MTMR7: variants seen among roughly 807,000 people sequenced by gnomAD.
MTMR7 encodes myotubularin related protein 7, also known as phosphatidylinositol-3-phosphate phosphatase MTMR7.
A neutral mutation model predicts 81.2 loss-of-function variants in MTMR7; 76 were observed. The observed-to-expected ratio is 0.94, with a 90% confidence interval of 0.78 to 1.13. The LOEUF (loss-of-function observed/expected upper bound fraction) is 1.13, where lower values mean the gene tolerates loss of function less well. MTMR7 is among the 50% of genes most tolerant of loss of function. The probability of loss-of-function intolerance (pLI) is 0.00; values close to 1 mark genes in which losing one functional copy is unlikely to be tolerated. For missense variants in MTMR7, 1,044 were observed against 820.0 expected, an observed-to-expected ratio of 1.27 and a Z score of -3.34; for synonymous variants, 372 against 289.8, an observed-to-expected ratio of 1.28 and a Z score of -2.88.
At chr8:17,317,542 G>A (rs966256606) in intron 7 of MTMR7, among the ~76,000 whole-genome samples, 1 of 152,144 alleles carries the variant, frequency 6.6e-6, no homozygotes, top group African/African-American at 2.4e-5. Flanking sequence ...CAGAGTCCCT[G>A]CGGTCAACGT....
chr8:17,398,400 T>C (rs995246959), intron 1 of MTMR7, among the ~76,000 whole-genome samples: 1 of 152,142 alleles, frequency 6.6e-6, no homozygotes, highest in Admixed American at 6.6e-5. Context: ...AAAAATGCAA[T>C]TGCTATATTG....
chr8:17,386,354 G>A (rs1820942791), intron 1 of MTMR7, among the ~76,000 whole-genome samples: 2 of 152,200 alleles, frequency 1.3e-5, no homozygotes. Flanking sequence ...TTGCAGGCTG[G>A]GCAGCAGAGT....
chr8:17,369,395 A>T (rs114833105), intron 3 of MTMR7, among the ~76,000 whole-genome samples: 2,186 of 152,318 alleles, frequency 0.014, 55 homozygotes, highest in East Asian at 0.075. Context: ...TAGTAACTTT[A>T]GCTCTTAGCT....
At chr8:17,388,053 C>G (rs1012340139) in intron 1 of MTMR7, among the ~76,000 whole-genome samples, 1 of 152,126 alleles carries the variant, frequency 6.6e-6, no homozygotes, top group African/African-American at 2.4e-5. Flanking sequence ...TTAGAAAAGG[C>G]AGAACAAGAA....
intron 1 of MTMR7, among the ~76,000 whole-genome samples, chr8:17,412,990 A>G (rs963157507): frequency 1.3e-5 from 2 of 152,222 alleles, no homozygotes; most frequent in African/African-American, 4.8e-5. Flanking sequence ...ACTAGCAGAC[A>G]ACTGAGGTTC....
Position 17,297,714 on chromosome 8 carries a change from A to AGATATTTTAGTCTTGTTGGG in MTMR7, c.*2128_*2147dup, listed in dbSNP as rs3216866. ...ACTTCCTGATTAATGTTTGATTATT[A>AGATATTTTAGTCTTGTTGGG]GATATTTTAGTCTTGTTGGGGATAT... On this transcript the variant is annotated 3_prime_UTR_variant, in exon 14 of 14. Coordinates refer to ENST00000180173, the MANE Select transcript of MTMR7 (RefSeq NM_004686.5). 6 of 152,016 alleles carry AGATATTTTAGTCTTGTTGGG rather than the reference A, an allele frequency of 3.9e-5. No individual in the cohort carries two copies. Among genetic ancestry groups the AGATATTTTAGTCTTGTTGGG allele is most frequent in the Non-Finnish European group, 2.9e-5 (2 of 67,890 alleles). 9.4% of individuals were successfully genotyped at this position (152,016 alleles called of 1,614,324 possible).
At chr8:17,344,081 T>C (rs887888696) in intron 5 of MTMR7, among the ~76,000 whole-genome samples, 4 of 152,030 alleles carry the variant, frequency 2.6e-5, no homozygotes, top group Non-Finnish European at 5.9e-5. Context: ...GAACTTTGCA[T>C]ATTTTTATTT....
At chr8:17,398,631 A>G (rs932747801) in intron 1 of MTMR7, among the ~76,000 whole-genome samples, 2 of 152,216 alleles carry the variant, frequency 1.3e-5, no homozygotes, top group Admixed American at 1.3e-4. Context: ...GGGAATATAA[A>G]GTGTATTCAA....
chr8:17,330,415 A>G (rs572476676), intron 7 of MTMR7, among the ~76,000 whole-genome samples: 1 of 152,336 alleles, frequency 6.6e-6, no homozygotes, highest in South Asian at 2.1e-4. Flanking sequence ...CAGTTCGCAG[A>G]GCCGGAAGTG....
Position 17,311,547 on chromosome 8 carries a change from C to A in MTMR7, c.1065G>T (p.Leu355=). ...TCAGAGTCCGGTAGTGAGGGTCCAGCAGCAGGCTTGCCACCGAGCACACCT... is the reference window on the plus strand; with the variant it reads ...TCAGAGTCCGGTAGTGAGGGTCCAGAAGCAGGCTTGCCACCGAGCACACCT... The part of the protein sequence containing the change: ...TAQVCSVASL[L]LDPHYRTLKG... The change falls in exon 9 of 14, where the codon CTG becomes CTT. Residue 355 remains leucine (L), a synonymous_variant. Transcript: ENST00000180173. 1 of 1,614,122 alleles carries A rather than the reference C, an allele frequency of 6.2e-7. No homozygotes were observed. The highest frequency in any genetic ancestry group is 8.5e-7 in the Non-Finnish European group (1 of 1,180,026).
chr8:17,372,189 T>C (rs187774349), intron 2 of MTMR7, among the ~76,000 whole-genome samples: 1 of 152,124 alleles, frequency 6.6e-6, no homozygotes, highest in African/African-American at 2.4e-5. Context: ...TCCCCTCCAC[T>C]AAGAAGTGCC....
chr8:17,323,665 A>G (rs988890480), intron 7 of MTMR7, among the ~76,000 whole-genome samples: 1 of 152,114 alleles, frequency 6.6e-6, no homozygotes, highest in Non-Finnish European at 1.5e-5. Flanking sequence ...GGGTCATTCC[A>G]CACACCTCAT....
chr8:17,406,716 A>G (rs1821593958), intron 1 of MTMR7, among the ~76,000 whole-genome samples: 2 of 152,220 alleles, frequency 1.3e-5, no homozygotes, highest in Admixed American at 1.3e-4. Flanking sequence ...AGCATTATTC[A>G]TAATTGCCAA....
Position 17,371,299 on chromosome 8 carries a change from T to C in MTMR7, c.148-100A>G, listed in dbSNP as rs1410382882. 4 of 1,333,368 alleles carry C rather than the reference T, an allele frequency of 3.0e-6. No homozygotes were observed. In the African/African-American group the frequency reaches 4.4e-5, roughly 15 times the overall value. 82.6% of individuals were successfully genotyped at this position (1,333,368 alleles called of 1,614,324 possible). A position where few individuals can be genotyped will look rare whatever the true frequency, so the allele number is the denominator to read the frequency against. ...TGGCTCAAAGAAAGACAAGAAACGC[T>C]CCCCAACCTCCAGCTAGCTCAACCC... On this transcript the variant is annotated intron_variant, in intron 2 of 13. Coordinates refer to ENST00000180173, the MANE Select transcript of MTMR7 (RefSeq NM_004686.5).
At chr8:17,302,586 A>AAAAG (rs931885583) in intron 12 of MTMR7, among the ~76,000 whole-genome samples, 2 of 150,198 alleles carry the variant, frequency 1.3e-5, no homozygotes, top group Admixed American at 6.7e-5. Context: ...AATGGCTCTT[A>AAAAG]GTTTTGAACT....
chr8:17,341,238 G>C, intron 6 of MTMR7, 125 bp downstream of exon 6: 3 of 1,293,076 alleles, frequency 2.3e-6, no homozygotes, highest in Non-Finnish European at 2.1e-6. Context: ...CACTGACTAT[G>C]CCAAGAGGAA....
intron 1 of MTMR7, among the ~76,000 whole-genome samples, chr8:17,397,419 T>C (rs982138988): frequency 1.3e-5 from 2 of 152,054 alleles, no homozygotes; most frequent in Non-Finnish European, 2.9e-5. Flanking sequence ...TAAGCGAACG[T>C]CGGTGGTGGC....
At chr8:17,317,314 T>C (rs552045968) in intron 7 of MTMR7, among the ~76,000 whole-genome samples, 1 of 152,342 alleles carries the variant, frequency 6.6e-6, no homozygotes, top group East Asian at 1.9e-4. Context: ...ATTTGGCCAA[T>C]GTAACATCTG....
At chr8:17,412,680 C>A (rs552939127) in intron 1 of MTMR7, among the ~76,000 whole-genome samples, 2 of 152,250 alleles carry the variant, frequency 1.3e-5, no homozygotes, top group African/African-American at 4.8e-5. Context: ...ACAAAACGGA[C>A]TGGAAAAGGC....
Sources: allele counts gnomAD v4.1 joint callset (sites outside exome capture counted in the v4.1 genomes callset), GRCh38; gene constraint gnomAD v4.1.1; transcripts MANE v1.5; gene names NCBI Gene and HGNC (gene_info 2026-07-23, HGNC 2026-07-21).